Variants in RAB6A observed in about 807,000 individuals in gnomAD.
The protein encoded by RAB6A is RAB6A, member RAS oncogene family.
RAB6A carries 8 observed loss-of-function variants against 32.3 expected under a neutral mutation model. That is an observed-to-expected ratio of 0.25 (90% CI 0.15 to 0.45). The LOEUF (loss-of-function observed/expected upper bound fraction) is 0.45. RAB6A is among the 20% of genes least tolerant of loss of function. The pLI, the probability that RAB6A is intolerant of heterozygous loss-of-function variation, is 1.00. For missense variants in RAB6A, 104 were observed against 249.4 expected (o/e 0.42, Z 3.93); for synonymous variants, 73 against 82.1 (o/e 0.89, Z 0.60).
intron 2 of RAB6A, among the ~76,000 whole-genome samples, chr11:73,723,792 A>G (rs1946176787): frequency 6.6e-6 from 1 of 152,184 alleles, no homozygotes; most frequent in African/African-American, 2.4e-5. Flanking sequence ...AGAGAGTAGT[A>G]TGAGAGAAAA....
At chr11:73,760,117 G>C in intron 1 of RAB6A, 1 of 1,292,258 alleles carries the variant, frequency 7.7e-7, no homozygotes, top group Non-Finnish European at 1.0e-6. Context: ...CACCCTCCTT[G>C]GCCAAGGTTG....
intron 6 of RAB6A, among the ~76,000 whole-genome samples, chr11:73,705,743 G>A (rs966765845): frequency 1.4e-5 from 2 of 145,730 alleles, no homozygotes; most frequent in African/African-American, 5.0e-5. Flanking sequence ...CACATTGCTA[G>A]GTTCTGGGAA....
At chr11:73,711,840 CT>C (rs1283763495) in intron 5 of RAB6A, among the ~76,000 whole-genome samples, 1 of 152,214 alleles carries the variant, frequency 6.6e-6, no homozygotes, top group Non-Finnish European at 1.5e-5. Flanking sequence ...AAAAATATTT[CT>C]CAGTGCAGTT....
At chr11:73,688,001 A>G (rs1203222424) in intron 6 of RAB6A, among the ~76,000 whole-genome samples, 1 of 152,212 alleles carries the variant, frequency 6.6e-6, no homozygotes, top group African/African-American at 2.4e-5. Context: ...TTAGTGTATC[A>G]TATCAGGAGG....
intron 6 of RAB6A, among the ~76,000 whole-genome samples, chr11:73,697,490 G>T (rs774581596): frequency 1.3e-5 from 2 of 152,018 alleles, no homozygotes; most frequent in South Asian, 2.1e-4. Context: ...TGGGATTACA[G>T]GTGAGCACCA....
chr11:73,679,931 C>CA lies in RAB6A; in HGVS notation c.496-212dup, dbSNP rs985887905. Among the ~76,000 whole-genome samples, 368 of 149,634 alleles carry CA rather than the reference C, an allele frequency of 2.5e-3. 2 individuals carry two copies. The highest frequency in any genetic ancestry group is 8.3e-3 in the African/African-American group (338 of 40,746). ...GCAACATGGTGAAACTCTGTCTCTA[C>CA]AAAAAAAAACACAAAAATTAGCCAG... On this transcript the variant is annotated intron_variant, in intron 6 of 7. Coordinates refer to ENST00000336083, the MANE Select transcript of RAB6A (RefSeq NM_198896.2).
intron 2 of RAB6A, 142 bp from the exon 3 acceptor site, chr11:73,721,041 C>A: frequency 1.5e-6 from 1 of 675,218 alleles, no homozygotes; most frequent in Non-Finnish European, 2.5e-6. Context: ...CAATTAAGGA[C>A]AAACAAAATT....
intron 6 of RAB6A, 109 bp downstream of exon 6, chr11:73,707,310 GT>G: frequency 1.4e-6 from 1 of 707,984 alleles, no homozygotes; most frequent in Admixed American, 2.6e-5. Context: ...TATACTGCTA[GT>G]TTGTAAGGCC....
intron 6 of RAB6A, among the ~76,000 whole-genome samples, chr11:73,701,426 AAC>A (rs1945744337): frequency 6.6e-6 from 1 of 152,238 alleles, no homozygotes; most frequent in African/African-American, 2.4e-5. Context: ...ATACCAGCAC[AAC>A]TTCTGAATTG....
intron 1 of RAB6A, among the ~76,000 whole-genome samples, chr11:73,732,212 A>G (rs1312788213): frequency 6.6e-6 from 1 of 152,182 alleles, no homozygotes; most frequent in Non-Finnish European, 1.5e-5. Context: ...TGAATGCAAA[A>G]AAAACCTTAT....
intron 5 of RAB6A, among the ~76,000 whole-genome samples, chr11:73,712,906 C>T (rs1945985693): frequency 6.6e-6 from 1 of 151,726 alleles, no homozygotes. Flanking sequence ...TTAGTAGAGA[C>T]AGGGTTTCGC....
chr11:73,693,038 G>T (rs1246345900), intron 6 of RAB6A, among the ~76,000 whole-genome samples: 2 of 151,950 alleles, frequency 1.3e-5, no homozygotes, highest in East Asian at 3.9e-4. Flanking sequence ...TATAAAAAAA[G>T]GATTTAATGG....
At chr11:73,686,527 C>T (rs1168385708) in intron 6 of RAB6A, among the ~76,000 whole-genome samples, 2 of 152,052 alleles carry the variant, frequency 1.3e-5, no homozygotes, top group East Asian at 3.9e-4. Flanking sequence ...TGCACTCCAG[C>T]CTAGATGACA....
chr11:73,743,454 G>A (rs185204225), intron 1 of RAB6A, among the ~76,000 whole-genome samples: 1 of 152,158 alleles, frequency 6.6e-6, no homozygotes, highest in African/African-American at 2.4e-5. Flanking sequence ...GGTCATCAAG[G>A]ACCTTTATGT....
intron 6 of RAB6A, among the ~76,000 whole-genome samples, chr11:73,683,020 G>A (rs1386011984): frequency 6.6e-6 from 1 of 152,008 alleles, no homozygotes; most frequent in Non-Finnish European, 1.5e-5. Context: ...AGGGTATGAA[G>A]GAAAACATAT....
chr11:73,701,142 A>T (rs752219632), intron 6 of RAB6A, among the ~76,000 whole-genome samples: 4 of 152,230 alleles, frequency 2.6e-5, no homozygotes, highest in Non-Finnish European at 4.4e-5. Flanking sequence ...GAAAGCTAGG[A>T]AACAACTCTG....
At chr11:73,683,254 T>C in intron 6 of RAB6A, among the ~76,000 whole-genome samples, 1 of 61,232 alleles carries the variant, frequency 1.6e-5, no homozygotes, top group African/African-American at 8.0e-5. Flanking sequence ...GACCCATCTT[T>C]TTTTTTTTTT....
intron 2 of RAB6A, among the ~76,000 whole-genome samples, chr11:73,723,903 CCA>C (rs1946178473): frequency 6.6e-6 from 1 of 152,074 alleles, no homozygotes; most frequent in South Asian, 2.1e-4. Context: ...CCACTCCTAC[CCA>C]CATATCTATA....
intron 1 of RAB6A, among the ~76,000 whole-genome samples, chr11:73,737,158 A>C (rs1946411435): frequency 6.6e-6 from 1 of 152,170 alleles, no homozygotes; most frequent in African/African-American, 2.4e-5. Context: ...GAAATAACAT[A>C]ATGTACTTCT....
Sources: gnomAD v4.1 joint callset for allele counts (sites outside exome capture counted in the v4.1 genomes callset) on GRCh38, gnomAD v4.1.1 for gene constraint, MANE v1.5 for transcripts, NCBI Gene and HGNC (gene_info 2026-07-23, HGNC 2026-07-21) for gene names.